Variants in THSD7B observed in about 807,000 individuals in gnomAD.
The protein encoded by THSD7B is thrombospondin type 1 domain containing 7B.
In THSD7B, 138 loss-of-function variants were observed where a neutral mutation model predicts 213.6. The ratio of observed to expected loss-of-function variants is 0.65; its 90% CI spans 0.56 to 0.74. THSD7B has a LOEUF of 0.74. Among genes scored for constraint, THSD7B ranks in the 30% least tolerant of loss-of-function variants. The probability of loss-of-function intolerance (pLI) is 0.00; values close to 1 mark genes in which losing one functional copy is unlikely to be tolerated. For synonymous variants in THSD7B, 742 were observed against 687.0 expected (o/e 1.08, Z -1.25); for missense variants, 1,931 against 1,991.5 (o/e 0.97, Z 0.58).
chr2:137,254,586 G>A (rs1044322719), intron 10 of THSD7B, among the ~76,000 whole-genome samples: 1 of 152,136 alleles, frequency 6.6e-6, no homozygotes, highest in African/African-American at 2.4e-5. Context: ...CAGACTTCTG[G>A]TGGACTCCTG....
intron 7 of THSD7B, among the ~76,000 whole-genome samples, chr2:137,171,539 G>A (rs2104995889): frequency 6.6e-6 from 1 of 152,242 alleles, no homozygotes. Context: ...AATGAAAGGT[G>A]ATTCAGAAAA....
chr2:137,601,272 C>A (rs955940469), intron 17 of THSD7B, among the ~76,000 whole-genome samples: 1 of 152,170 alleles, frequency 6.6e-6, no homozygotes, highest in Admixed American at 6.5e-5. Context: ...CATATTCACT[C>A]ACTGCTCACT....
Position 137,102,412 on chromosome 2 carries a change from A to C in THSD7B, c.1199+7291A>C, listed in dbSNP as rs1688168689. Among the ~76,000 whole-genome samples the C allele has an allele frequency of 2.6e-5, 4 of 152,262 alleles. No homozygotes were observed. In the South Asian group the frequency reaches 8.3e-4, roughly 31 times the overall value. On this transcript the variant is annotated intron_variant, in intron 4 of 27. Transcript: ENST00000409968. ...CCAACATCAAAGACCAAAGTTAGAT[A>C]AATCCATGAAGATGAGGAAAAGCTA...
At chr2:137,235,863 T>C (rs1558968643) in intron 9 of THSD7B, among the ~76,000 whole-genome samples, 1 of 152,332 alleles carries the variant, frequency 6.6e-6, no homozygotes, top group East Asian at 1.9e-4. Flanking sequence ...AATGACTTTC[T>C]GTACTGTTAA....
At chr2:137,450,449 C>A (rs945684477) in intron 14 of THSD7B, among the ~76,000 whole-genome samples, 1 of 152,208 alleles carries the variant, frequency 6.6e-6, no homozygotes, top group East Asian at 1.9e-4. Flanking sequence ...GAAAGCCTTG[C>A]AGATCATAGA....
chr2:137,667,963 C>A, intron 27 of THSD7B, 102 bp downstream of exon 27: 1 of 872,554 alleles, frequency 1.1e-6, no homozygotes, highest in Non-Finnish European at 1.7e-6. Context: ...TAACAGGATT[C>A]TTGAGTCCAA....
chr2:137,465,153 A>G (rs1687967186), intron 15 of THSD7B, among the ~76,000 whole-genome samples: 1 of 151,934 alleles, frequency 6.6e-6, no homozygotes, highest in Admixed American at 6.6e-5. Flanking sequence ...TACCACTGCT[A>G]CCAAGTATAG....
intron 9 of THSD7B, 68 bp from the exon 10 acceptor site, chr2:137,242,389 C>A: frequency 8.0e-7 from 1 of 1,250,824 alleles, no homozygotes. Context: ...GTTCTAAAAT[C>A]CTATAGTTCT....
chr2:137,160,158 A>G, intron 5 of THSD7B, 55 bp from the exon 6 acceptor site: 1 of 1,537,228 alleles, frequency 6.5e-7, no homozygotes. Flanking sequence ...AGGCAGAAGC[A>G]ATGCTAAGGA....
intron 20 of THSD7B, among the ~76,000 whole-genome samples, chr2:137,635,095 G>A (rs910078116): frequency 1.3e-5 from 2 of 152,092 alleles, no homozygotes; most frequent in African/African-American, 2.4e-5. Context: ...GGGAAAAAGA[G>A]GAAAAGGCTC....
rs77289917 is a variant in THSD7B, at chr2:137,263,719, T to C, written c.2267-8814T>C. ...CTTTAGCTCAGTGTTCATTTTGAAG[T>C]ACTTCAAGGTTTAGCCTGGGAGAGA... On this transcript the variant is annotated intron_variant, in intron 10 of 27. Transcript: ENST00000409968. Among the ~76,000 whole-genome samples, 623 of 152,336 alleles carry C rather than the reference T, an allele frequency of 4.1e-3. 11 individuals carry two copies. The highest frequency in any genetic ancestry group is 0.03 in the Admixed American group (463 of 15,296).
chr2:137,558,619 C>G (rs1681038025), intron 15 of THSD7B, among the ~76,000 whole-genome samples: 1 of 152,120 alleles, frequency 6.6e-6, no homozygotes, highest in African/African-American at 2.4e-5. Context: ...ACTGAATAGG[C>G]AAAAACTGGA....
In THSD7B at chr2:137,264,789, A is replaced by G. The variant is rs539991236; in HGVS notation, c.2267-7744A>G. On this transcript the variant is annotated intron_variant, in intron 10 of 27. Coordinates refer to ENST00000409968, the MANE Select transcript of THSD7B (RefSeq NM_001316349.2). ...CACAAACAGGTTTGTTGAGGGACGCAAAAGAGCCTTCTTTTTTTTTTTAAA... is the reference window on the plus strand; with the variant it reads ...CACAAACAGGTTTGTTGAGGGACGCGAAAGAGCCTTCTTTTTTTTTTTAAA... Among the ~76,000 whole-genome samples the G allele has an allele frequency of 8.6e-5, 13 of 151,886 alleles. No individual in the cohort carries two copies. In the East Asian group the frequency reaches 2.5e-3, roughly 29 times the overall value.
At chr2:137,523,603 G>T (rs1680226193) in intron 15 of THSD7B, among the ~76,000 whole-genome samples, 1 of 152,124 alleles carries the variant, frequency 6.6e-6, no homozygotes, top group Admixed American at 6.5e-5. Flanking sequence ...CTCAATAATT[G>T]TCTGCCCAAT....
At chr2:137,285,823 G>C (rs533258145) in intron 12 of THSD7B, among the ~76,000 whole-genome samples, 4 of 152,084 alleles carry the variant, frequency 2.6e-5, no homozygotes, top group African/African-American at 9.6e-5. Flanking sequence ...TTGATTTATG[G>C]CTGGGCGCAG....
At chr2:137,487,175 T>C (rs1688471175) in intron 15 of THSD7B, among the ~76,000 whole-genome samples, 1 of 148,410 alleles carries the variant, frequency 6.7e-6, no homozygotes, top group African/African-American at 2.6e-5. Flanking sequence ...GAGACCATCC[T>C]GGCTAACAAG....
At chr2:137,302,055 G>A (rs549345285) in intron 12 of THSD7B, among the ~76,000 whole-genome samples, 37 of 152,182 alleles carry the variant, frequency 2.4e-4, no homozygotes, top group African/African-American at 7.5e-4. Flanking sequence ...GTCATTAGAC[G>A]TAAGAAAGGG....
chr2:137,121,601 A>G (rs963459000), intron 5 of THSD7B, among the ~76,000 whole-genome samples: 3 of 152,200 alleles, frequency 2.0e-5, no homozygotes, highest in African/African-American at 4.8e-5. Context: ...TCCTAATCCT[A>G]TAGCCCTAAG....
intron 15 of THSD7B, among the ~76,000 whole-genome samples, chr2:137,513,753 T>A (rs923389059): frequency 5.3e-5 from 8 of 152,204 alleles, no homozygotes; most frequent in Admixed American, 5.2e-4. Context: ...AACCTGATTC[T>A]TATTCAGAAG....
Sources: allele counts gnomAD v4.1 joint callset (sites outside exome capture counted in the v4.1 genomes callset), GRCh38; gene constraint gnomAD v4.1.1; transcripts MANE v1.5; gene names NCBI Gene and HGNC (gene_info 2026-07-23, HGNC 2026-07-21).